The following ZNF585A variants were observed in gnomAD, a reference collection of about 807,000 sequenced individuals.
The protein encoded by ZNF585A is zinc finger protein 585A.
Under a neutral mutation model 14.9 loss-of-function variants are expected in ZNF585A, and 9 were observed. That is an observed-to-expected ratio of 0.60 (90% CI 0.36 to 1.05). The LOEUF (loss-of-function observed/expected upper bound fraction) is 1.05, where lower values mean the gene tolerates loss of function less well. Among genes scored for constraint, ZNF585A ranks in the 50% least tolerant of loss-of-function variants. ZNF585A has a pLI of 0.01. For synonymous variants in ZNF585A, 276 were observed against 319.9 expected (o/e 0.86, Z 1.46); for missense variants, 726 against 926.4 (o/e 0.78, Z 2.81).
intron 4 of ZNF585A, 140 bp downstream of exon 4, chr19:37,155,725 G>C: frequency 1.2e-6 from 1 of 861,452 alleles, no homozygotes; most frequent in East Asian, 2.7e-5. Flanking sequence ...AGAGGCCAAG[G>C]GGGCATCAAG....
chr19:37,158,327 G>T (rs535869618), intron 2 of ZNF585A, among the ~76,000 whole-genome samples: 1 of 152,320 alleles, frequency 6.6e-6, no homozygotes, highest in East Asian at 1.9e-4. Flanking sequence ...CAGTTGAAAG[G>T]CTGAAGGGAA....
chr19:37,156,302 C>A lies in ZNF585A; in HGVS notation c.126G>T (p.Arg42=). 3.1e-6 allele frequency: 5 copies of A among 1,614,128 alleles called. No homozygotes were observed. Among genetic ancestry groups the A allele is most frequent in the Non-Finnish European group, 3.4e-6 (4 of 1,180,034 alleles). ...VAIDFSREEW[R]HLDPSQRNLY... ...GGTTTCTCTGAGAAGGGTCCAGGTG[C>A]CGCCATTCCTCTCTGCTGAAATCGA... Residue 42 remains arginine (R), a synonymous_variant, in exon 3 of 5, where the codon CGG becomes CGT. Coordinates refer to ENST00000292841, the MANE Select transcript of ZNF585A (RefSeq NM_001288800.2).
intron 2 of ZNF585A, among the ~76,000 whole-genome samples, chr19:37,159,528 T>C (rs1204535186): frequency 3.3e-5 from 5 of 152,062 alleles, no homozygotes; most frequent in African/African-American, 7.2e-5. Flanking sequence ...CCTTAGCAAT[T>C]TATCAAAATA....
At chr19:37,165,793 A>T (rs115445022) in intron 2 of ZNF585A, 3,086 of 230,290 alleles carry the variant, frequency 0.013, 24 homozygotes, top group African/African-American at 0.027. Context: ...CAACTATAAA[A>T]ATGCATGACC....
intron 4 of ZNF585A, among the ~76,000 whole-genome samples, chr19:37,155,132 C>G (rs1309471539): frequency 6.6e-6 from 1 of 151,560 alleles, no homozygotes; most frequent in Non-Finnish European, 1.5e-5. Flanking sequence ...TCCCGAGTAG[C>G]TGGGACTACA....
At chr19:37,167,980 G>A (rs1484690149) in intron 2 of ZNF585A, among the ~76,000 whole-genome samples, 1 of 152,128 alleles carries the variant, frequency 6.6e-6, no homozygotes, top group African/African-American at 2.4e-5. Flanking sequence ...TCAGTATGAT[G>A]GCAAAGGTTT....
At chr19:37,154,616 T>C (rs961532275) in intron 4 of ZNF585A, among the ~76,000 whole-genome samples, 2 of 151,512 alleles carry the variant, frequency 1.3e-5, no homozygotes, top group Admixed American at 1.3e-4. Context: ...GGAAGGGTGA[T>C]TAATTATGTT....
intron 2 of ZNF585A, among the ~76,000 whole-genome samples, chr19:37,166,547 C>G (rs781259444): frequency 6.8e-6 from 1 of 146,112 alleles, no homozygotes; most frequent in Admixed American, 6.9e-5. Flanking sequence ...CTCCTGACCT[C>G]GTGATCCACC....
chr19:37,156,391 A>T, intron 2 of ZNF585A, 36 bp from the exon 3 acceptor site: 1 of 1,612,638 alleles, frequency 6.2e-7, no homozygotes, highest in Non-Finnish European at 8.5e-7. Context: ...GTGCACAGTC[A>T]GCTTAGAGGG....
At chr19:37,160,581 A>G (rs555697799) in intron 2 of ZNF585A, among the ~76,000 whole-genome samples, 14 of 152,006 alleles carry the variant, frequency 9.2e-5, no homozygotes, top group Non-Finnish European at 1.9e-4. Context: ...TGGCAAAGAT[A>G]AAAAGACACC....
Position 37,153,270 on chromosome 19 carries a change from C to T in ZNF585A, c.629G>A (p.Gly210Glu). ...SLFRHQRIHT[G>E]EKLYECSQCG... Reference sequence around the variant, plus strand: ...CTGGCTGCATTCATAGAGTTTCTCTCCGGTATGAATTCTCTGATGCCTGAA... The same window carrying T: ...CTGGCTGCATTCATAGAGTTTCTCTTCGGTATGAATTCTCTGATGCCTGAA... The change falls in exon 5 of 5, where the codon GGA becomes GAA. Residue 210 changes from glycine to glutamate, a missense_variant. Coordinates refer to ENST00000292841, the MANE Select transcript of ZNF585A (RefSeq NM_001288800.2). 6.2e-7 allele frequency: 1 copy of T among 1,614,190 alleles called. No homozygotes were observed. The highest frequency in any genetic ancestry group is 8.5e-7 in the Non-Finnish European group (1 of 1,180,030).
rs1971771300 is a variant in ZNF585A, at chr19:37,148,249, C to T, written c.*3340G>A. On this transcript the variant is annotated 3_prime_UTR_variant, in exon 5 of 5. Coordinates refer to ENST00000292841, the MANE Select transcript of ZNF585A (RefSeq NM_001288800.2). Reference sequence around the variant, plus strand: ...TAGTATCTCATTGTGGTTTGATTTACATTTTCCTGATAATTAAAGATGTTG... The same window carrying T: ...TAGTATCTCATTGTGGTTTGATTTATATTTTCCTGATAATTAAAGATGTTG... The T allele has an allele frequency of 6.6e-6, 1 of 152,176 alleles. No individual in the cohort carries two copies. The highest frequency in any genetic ancestry group is 2.4e-5 in the African/African-American group (1 of 41,434). 9.4% of individuals were successfully genotyped at this position (152,176 alleles called of 1,614,324 possible).
At position 37,152,875 on chromosome 19, in the gene ZNF585A, C is replaced by T. The variant is rs16972020; in HGVS notation, c.1024G>A (p.Val342Ile). The T allele has an allele frequency of 0.05, 80,482 of 1,613,998 alleles. 4,339 individuals carry two copies. The highest frequency in any genetic ancestry group is 0.27 in the African/African-American group (20,606 of 74,954). The change falls in exon 5 of 5, where the codon GTT becomes ATT. Residue 342 changes from valine to isoleucine, a missense_variant. Val to Ile is a conservative substitution (Grantham distance 29). This residue lies in a region of ZNF585A where 483 missense variants were observed against 542.8 expected (regional missense o/e 0.89). Transcript: ENST00000292841. The part of the protein sequence containing the change: ...GKVFSNNSNL[V>I]THKKVQSREK... The stretch of plus-strand genomic sequence containing the variant: ...CTACTTTGAACTTTCTTATGTGTAA[C>T]GAGGTTGGAATTATTGCTGAAGACC...
In ZNF585A at chr19:37,153,566, G is replaced by A; in HGVS notation, c.333C>T (p.Leu111=). The A allele has an allele frequency of 6.2e-7, 1 of 1,613,614 alleles. No homozygotes were observed. Among genetic ancestry groups the A allele is most frequent in the Non-Finnish European group, 8.5e-7 (1 of 1,179,920 alleles). Residue 111 remains leucine (L), a synonymous_variant, in exon 5 of 5, where the codon CTC becomes CTT. Transcript: ENST00000292841. ...LWDHNQCRKI[L]SYKQVSSQPQ... is the part of the protein sequence containing the mutation. The stretch of plus-strand genomic sequence containing the variant: ...GTTGAGAGGATACTTGTTTATAACT[G>A]AGGATTTTTCTACATTGATTATGGT...
At chr19:37,162,266 T>A (rs1346527647) in intron 2 of ZNF585A, among the ~76,000 whole-genome samples, 3 of 152,264 alleles carry the variant, frequency 2.0e-5, no homozygotes, top group African/African-American at 7.2e-5. Flanking sequence ...ATTTATTCAT[T>A]TAATTGTGTT....
chr19:37,151,781 T>G lies in ZNF585A; in HGVS notation c.2118A>C (p.Gln706His). Reference sequence around the variant, plus strand: ...CTCCAGTGTGAATTCGCTGATGCACTTGGAGCTGTGATTTTTTAGTGAAAG... The same window carrying G: ...CTCCAGTGTGAATTCGCTGATGCACGTGGAGCTGTGATTTTTTAGTGAAAG... Reference protein sequence around the residue: ...GKSFTKKSQLQVHQRIHTGEK... With the variant: ...GKSFTKKSQLHVHQRIHTGEK... The change falls in exon 5 of 5, where the codon CAA becomes CAC. Residue 706 changes from glutamine to histidine, a missense_variant. Gln to His is a conservative substitution (Grantham distance 24, BLOSUM62 0). Coordinates refer to ENST00000292841, the MANE Select transcript of ZNF585A (RefSeq NM_001288800.2). 1 of 1,612,616 alleles carries G rather than the reference T, an allele frequency of 6.2e-7. No homozygotes were observed. Among genetic ancestry groups the G allele is most frequent in the Non-Finnish European group, 8.5e-7 (1 of 1,179,520 alleles).
intron 2 of ZNF585A, among the ~76,000 whole-genome samples, chr19:37,167,876 C>T (rs993180882): frequency 2.1e-4 from 32 of 152,260 alleles, no homozygotes; most frequent in Non-Finnish European, 1.5e-4. Context: ...GTGATCCACC[C>T]GCCTTGGCTT....
intron 1 of ZNF585A, among the ~76,000 whole-genome samples, chr19:37,172,073 T>C (rs1029006071): frequency 6.6e-6 from 1 of 152,180 alleles, no homozygotes; most frequent in African/African-American, 2.4e-5. Context: ...GAATATATGC[T>C]TAATTAATAT....
Position 37,156,355 on chromosome 19 carries a change from C to A in ZNF585A, c.73G>T (p.Gly25Ter). ...APEDHGSSYE[G>*]SVSFRDVAID... ...GCCACATCCCTGAAGGACACTGATC[C>A]CTGTAAGGGCAAATTCTTGTTCAAT... The change falls in exon 3 of 5, where the codon GGA (glycine) becomes TGA (stop). Residue 25 changes from glycine (G) to a stop codon, truncating the protein, a stop_gained and splice_region_variant. Coordinates refer to ENST00000292841, the MANE Select transcript of ZNF585A (RefSeq NM_001288800.2). LOFTEE classifies it high-confidence loss of function. 6.2e-7 allele frequency: 1 copy of A among 1,614,070 alleles called. No homozygotes were observed. The highest frequency in any genetic ancestry group is 8.5e-7 in the Non-Finnish European group (1 of 1,180,016).
Sources: gnomAD v4.1 joint callset for allele counts (sites outside exome capture counted in the v4.1 genomes callset) on GRCh38, gnomAD v4.1.1 for gene constraint, gnomAD v4.1.1 regional missense constraint, MANE v1.5 for transcripts, NCBI Gene and HGNC (gene_info 2026-07-23, HGNC 2026-07-21) for gene names.